Variants in ORMDL1 observed in about 807,000 individuals in gnomAD.
ORMDL1 encodes ORMDL sphingolipid biosynthesis regulator 1.
Under a neutral mutation model 13.0 loss-of-function variants are expected in ORMDL1, and 10 were observed. The observed-to-expected ratio is 0.77, with a 90% CI of 0.47 to 1.30. The LOEUF (loss-of-function observed/expected upper bound fraction) is 1.30. Among genes scored for constraint, ORMDL1 ranks in the 50% most tolerant of loss-of-function variants. The pLI is 0.00. For synonymous variants in ORMDL1, 61 were observed against 63.9 expected (o/e 0.95, Z 0.22); for missense variants, 171 against 186.7 (o/e 0.92, Z 0.49).
chr2:189,769,312 A>C (rs186128927), downstream of ORMDL1, among the ~76,000 whole-genome samples: 4 of 152,014 alleles, frequency 2.6e-5, no homozygotes, highest in Admixed American at 2.6e-4. Flanking sequence ...GCTTGAACAC[A>C]GGAGGCAGAA....
intron 1 of ORMDL1, chr2:189,783,455 T>G (rs2047946406): frequency 6.6e-6 from 1 of 152,198 alleles, no homozygotes; most frequent in Non-Finnish European, 1.5e-5. Context: ...GGAACAGCTG[T>G]GATTTTAAAA....
intron 3 of ORMDL1, among the ~76,000 whole-genome samples, chr2:189,780,033 A>C (rs1042815799): frequency 1.1e-4 from 17 of 152,186 alleles, no homozygotes; most frequent in African/African-American, 4.1e-4. Flanking sequence ...GAAGTGTTTC[A>C]GATTTTGGAT....
At chr2:189,773,996 A>C (rs1231053552) in intron 4 of ORMDL1, 1 of 152,202 alleles carries the variant, frequency 6.6e-6, no homozygotes, top group Non-Finnish European at 1.5e-5. Flanking sequence ...CAGGCATTTT[A>C]CATGTATTAT....
downstream of ORMDL1, among the ~76,000 whole-genome samples, chr2:189,766,213 C>A (rs959779133): frequency 2.0e-5 from 3 of 152,110 alleles, no homozygotes; most frequent in Non-Finnish European, 2.9e-5. Flanking sequence ...TCAATCAGGT[C>A]TTTGGAAGAT....
intron 3 of ORMDL1, among the ~76,000 whole-genome samples, chr2:189,778,950 G>A (rs7595020): frequency 0.58 from 88,591 of 152,008 alleles, 29,784 homozygotes; most frequent in South Asian, 0.76. Flanking sequence ...TTGGGAGGCT[G>A]AGACAGGAGG....
At chr2:189,783,214 C>T (rs2047926274) in intron 1 of ORMDL1, 91 bp from the exon 2 acceptor site, 1 of 152,192 alleles carries the variant, frequency 6.6e-6, no homozygotes, top group Non-Finnish European at 1.5e-5. Flanking sequence ...AATAAGGAGT[C>T]TTCTGAATAT....
downstream of ORMDL1, among the ~76,000 whole-genome samples, chr2:189,767,838 A>G (rs1376247537): frequency 2.0e-5 from 3 of 152,206 alleles, no homozygotes; most frequent in Non-Finnish European, 2.9e-5. Context: ...TTTTTTTACT[A>G]TTTTTCTAAT....
intron 4 of ORMDL1, 25 bp downstream of exon 4, chr2:189,775,537 CTCA>C: frequency 3.2e-6 from 5 of 1,573,464 alleles, no homozygotes; most frequent in South Asian, 2.4e-5. Context: ...TCCAATCCTC[CTCA>C]TACCTAAAAA....
chr2:189,774,171 T>C (rs185322912), intron 4 of ORMDL1, among the ~76,000 whole-genome samples: 1 of 152,216 alleles, frequency 6.6e-6, no homozygotes, highest in Non-Finnish European at 1.5e-5. Flanking sequence ...CACTTATTTA[T>C]TTAATAAATC....
rs2047877044 is a variant in ORMDL1, at chr2:189,782,498, A to G, written c.98T>C (p.Leu33Pro). The change falls in exon 3 of 5, where the codon CTT becomes CCT. Residue 33 changes from leucine to proline, a missense_variant. Leu to Pro is a moderately conservative substitution (Grantham distance 98). Coordinates refer to ENST00000392349, the MANE Select transcript of ORMDL1 (RefSeq NM_016467.5). ...WLTYALGVGL[L>P]HIVLLSIPFF... ...GGGAATGCTGAGTAAGACAATATGAAGCAAGCCAACTCCCAATGCATATGT... is the reference window on the plus strand; with the variant it reads ...GGGAATGCTGAGTAAGACAATATGAGGCAAGCCAACTCCCAATGCATATGT... The G allele has an allele frequency of 2.5e-6, 4 of 1,614,118 alleles. No homozygotes were observed. The highest frequency in any genetic ancestry group is 1.3e-5 in the African/African-American group (1 of 74,948).
intron 3 of ORMDL1, among the ~76,000 whole-genome samples, chr2:189,781,494 G>C (rs2047829706): frequency 6.6e-6 from 1 of 152,018 alleles, no homozygotes; most frequent in Non-Finnish European, 1.5e-5. Flanking sequence ...ATACTCTGTA[G>C]AGCTAACACA....
Position 189,782,323 on chromosome 2 carries a change from A to G in ORMDL1, c.174+99T>C. On this transcript the variant is annotated intron_variant, in intron 3 of 4. Coordinates refer to ENST00000392349, the MANE Select transcript of ORMDL1 (RefSeq NM_016467.5). The stretch of plus-strand genomic sequence containing the variant: ...CATCTTGCAAAACCAAAAACTCTGT[A>G]CCCATTAAGCAATAACTTTCCATTC... The G allele has an allele frequency of 3.7e-6, 4 of 1,094,858 alleles. No homozygotes were observed. In the South Asian group the frequency reaches 6.4e-5, roughly 18 times the overall value. The allele number at this position is 1,094,858 out of a possible 1,614,324, so 67.8% of individuals were successfully genotyped here.
chr2:189,767,015 C>A (rs1200219375), downstream of ORMDL1, among the ~76,000 whole-genome samples: 1 of 152,202 alleles, frequency 6.6e-6, no homozygotes, highest in East Asian at 1.9e-4. Context: ...TTGATGGACA[C>A]TTGGATTGCT....
At chr2:189,775,812 T>C in intron 3 of ORMDL1, 96 bp from the exon 4 acceptor site, 1 of 1,225,056 alleles carries the variant, frequency 8.2e-7, no homozygotes, top group African/African-American at 1.5e-5. Context: ...TTTGTGAGAG[T>C]GTGTGATTTA....
downstream of ORMDL1, among the ~76,000 whole-genome samples, chr2:189,769,781 G>A (rs2047540795): frequency 6.6e-6 from 1 of 152,026 alleles, no homozygotes; most frequent in African/African-American, 2.4e-5. Flanking sequence ...ATAGAATAAG[G>A]GAAACAGAAA....
chr2:189,768,768 T>G, downstream of ORMDL1, among the ~76,000 whole-genome samples: 1 of 152,256 alleles, frequency 6.6e-6, no homozygotes, highest in African/African-American at 2.4e-5. Flanking sequence ...TGATCACCTC[T>G]TGTATTTAAC....
intron 4 of ORMDL1, 140 bp downstream of exon 4, chr2:189,775,425 T>A: frequency 2.2e-6 from 2 of 903,096 alleles, no homozygotes; most frequent in Non-Finnish European, 3.2e-6. Context: ...AAATTTTGTC[T>A]ATATTTTATG....
intron 3 of ORMDL1, among the ~76,000 whole-genome samples, chr2:189,778,650 T>G (rs2047753971): frequency 6.6e-6 from 1 of 152,078 alleles, no homozygotes; most frequent in South Asian, 2.1e-4. Flanking sequence ...ATCCCAGCAT[T>G]TTGGAAGGCC....
downstream of ORMDL1, among the ~76,000 whole-genome samples, chr2:189,765,839 ATT>A (rs72132150): frequency 0.071 from 7,595 of 106,292 alleles, 102 homozygotes; most frequent in South Asian, 0.12. Context: ...TACTTTCTCC[ATT>A]TTTTTTTTTT....
Sources: allele counts gnomAD v4.1 joint callset (sites outside exome capture counted in the v4.1 genomes callset), GRCh38; gene constraint gnomAD v4.1.1; transcripts MANE v1.5; gene names NCBI Gene and HGNC (gene_info 2026-07-23, HGNC 2026-07-21).